Variants in CADM2 observed in about 807,000 individuals in gnomAD.
CADM2 encodes the protein cell adhesion molecule 2, also known as immunoglobulin superfamily member 4D.
In CADM2, 12 loss-of-function variants were observed where a neutral mutation model predicts 49.8. The observed-to-expected ratio is 0.24, with a 90% CI of 0.15 to 0.39. The LOEUF (loss-of-function observed/expected upper bound fraction) is 0.39. Among genes scored for constraint, CADM2 ranks in the 10% least tolerant of loss-of-function variants. The pLI is 1.00. For missense variants in CADM2, 378 were observed against 492.3 expected, an observed-to-expected ratio of 0.77 and a Z score of 2.20; for synonymous variants, 214 against 175.4, an observed-to-expected ratio of 1.22 and a Z score of -1.74.
chr3:86,044,331 C>A (rs1011512956), intron 8 of CADM2, among the ~76,000 whole-genome samples: 9 of 152,112 alleles, frequency 5.9e-5, no homozygotes, highest in African/African-American at 2.2e-4. Context: ...GGGCTAATAT[C>A]CAGAATCTAC....
intron 1 of CADM2, among the ~76,000 whole-genome samples, chr3:85,132,626 T>A (rs911632630): frequency 1.4e-5 from 2 of 146,832 alleles, no homozygotes; most frequent in African/African-American, 5.0e-5. Context: ...CAAGGATATA[T>A]TATATATATA....
At chr3:85,751,611 T>C (rs1171265097) in intron 2 of CADM2, among the ~76,000 whole-genome samples, 1 of 152,150 alleles carries the variant, frequency 6.6e-6, no homozygotes, top group Non-Finnish European at 1.5e-5. Context: ...TTAGGTTCTT[T>C]GAGACGCTGC....
intron 1 of CADM2, among the ~76,000 whole-genome samples, chr3:85,499,809 G>A (rs558673856): frequency 1.1e-4 from 16 of 152,192 alleles, no homozygotes; most frequent in African/African-American, 3.6e-4. Context: ...CTAGCAAGGA[G>A]CAAAATTAGG....
chr3:85,164,962 A>G (rs991935569), intron 1 of CADM2, among the ~76,000 whole-genome samples: 1 of 151,598 alleles, frequency 6.6e-6, no homozygotes, highest in African/African-American at 2.4e-5. Flanking sequence ...GTATGTGTGT[A>G]CATATGTGTG....
At chr3:85,014,742 C>T (rs574079855) in intron 1 of CADM2, among the ~76,000 whole-genome samples, 35 of 152,274 alleles carry the variant, frequency 2.3e-4, no homozygotes, top group African/African-American at 7.9e-4. Flanking sequence ...AGGCTTCAGT[C>T]TGTCATAAGC....
chr3:86,044,505 A>G (rs1736387856), intron 8 of CADM2, among the ~76,000 whole-genome samples: 1 of 152,210 alleles, frequency 6.6e-6, no homozygotes, highest in Non-Finnish European at 1.5e-5. Context: ...TCAAAACCAC[A>G]ATGAGATACC....
chr3:85,498,241 G>C (rs1318594520), intron 1 of CADM2, among the ~76,000 whole-genome samples: 1 of 148,402 alleles, frequency 6.7e-6, no homozygotes, highest in Non-Finnish European at 1.5e-5. Context: ...TGTGCCCCAA[G>C]CATTGTGCTG....
At chr3:85,465,620 G>A (rs1259994675) in intron 1 of CADM2, among the ~76,000 whole-genome samples, 1 of 152,040 alleles carries the variant, frequency 6.6e-6, no homozygotes, top group Middle Eastern at 3.2e-3. Context: ...ATGTTTTTGT[G>A]CTTAAATTTT....
chr3:85,914,040 C>A (rs1717964071), intron 6 of CADM2, among the ~76,000 whole-genome samples: 1 of 151,976 alleles, frequency 6.6e-6, no homozygotes, highest in Non-Finnish European at 1.5e-5. Context: ...TTTTTGATTA[C>A]TTTTTATATG....
chr3:85,783,255 G>A (rs2070765774), intron 2 of CADM2, among the ~76,000 whole-genome samples: 1 of 152,142 alleles, frequency 6.6e-6, no homozygotes, highest in Non-Finnish European at 1.5e-5. Flanking sequence ...GAGTTTATAA[G>A]ATTTGGTTAA....
chr3:85,461,057 A>C (rs1344455905), intron 1 of CADM2, among the ~76,000 whole-genome samples: 8 of 152,142 alleles, frequency 5.3e-5, no homozygotes, highest in Admixed American at 5.2e-4. Flanking sequence ...ATTTCACAGA[A>C]GTTTTCCATT....
At chr3:85,834,479 T>A (rs775223720) in intron 3 of CADM2, among the ~76,000 whole-genome samples, 18 of 151,788 alleles carry the variant, frequency 1.2e-4, no homozygotes, top group South Asian at 2.1e-4. Flanking sequence ...ATCCACTTTC[T>A]ACTTCCTAAT....
intron 1 of CADM2, among the ~76,000 whole-genome samples, chr3:85,704,611 G>A (rs1309478960): frequency 1.3e-5 from 2 of 151,878 alleles, no homozygotes; most frequent in Non-Finnish European, 2.9e-5. Flanking sequence ...ATAACCTAAT[G>A]ACCTTCTAAA....
At chr3:85,330,888 TGA>T (rs1408529112) in intron 1 of CADM2, among the ~76,000 whole-genome samples, 1 of 151,878 alleles carries the variant, frequency 6.6e-6, no homozygotes, top group Non-Finnish European at 1.5e-5. Context: ...TTTGAGCCTG[TGA>T]GTTTGAGGCT....
At chr3:85,402,629 A>G (rs1049972643) in intron 1 of CADM2, among the ~76,000 whole-genome samples, 1 of 152,202 alleles carries the variant, frequency 6.6e-6, no homozygotes, top group Admixed American at 6.6e-5. Context: ...AGTGAGAAAG[A>G]ATGTCAGAAC....
At chr3:85,239,708 A>AT (rs1307989069) in intron 1 of CADM2, among the ~76,000 whole-genome samples, 3 of 151,514 alleles carry the variant, frequency 2.0e-5, no homozygotes, top group African/African-American at 7.2e-5. Context: ...TTTGTGAGAC[A>AT]TTTTTTAAAA....
chr3:85,152,420 C>T lies in CADM2; in HGVS notation c.61+192752C>T, dbSNP rs144382257. ...TCTCTTATCCTGCTTCTTACTGTGT[C>T]GGTGCTGACTGAGACGATTTCATTT... On this transcript the variant is annotated intron_variant, in intron 1 of 9. Transcript: ENST00000383699. Among the ~76,000 whole-genome samples, 84 of 152,234 alleles carry T rather than the reference C, an allele frequency of 5.5e-4. 1 individual carries two copies. Among genetic ancestry groups the T allele is most frequent in the East Asian group, 2.1e-3 (11 of 5,166 alleles).
At chr3:86,018,876 G>T (rs1732712676) in intron 8 of CADM2, among the ~76,000 whole-genome samples, 1 of 150,392 alleles carries the variant, frequency 6.6e-6, no homozygotes, top group African/African-American at 2.5e-5. Context: ...AAGCTCTTTA[G>T]TTTAATTAGA....
intron 1 of CADM2, among the ~76,000 whole-genome samples, chr3:85,602,299 A>C (rs1330328459): frequency 6.6e-6 from 1 of 151,790 alleles, no homozygotes; most frequent in Non-Finnish European, 1.5e-5. Flanking sequence ...AAATTACCCT[A>C]GGAAATATAA....
Sources: gnomAD v4.1 joint callset for allele counts (sites outside exome capture counted in the v4.1 genomes callset) on GRCh38, gnomAD v4.1.1 for gene constraint, MANE v1.5 for transcripts, NCBI Gene and HGNC (gene_info 2026-07-23, HGNC 2026-07-21) for gene names.